Variants in MS4A3 observed in about 807,000 individuals in gnomAD.
MS4A3 encodes the protein membrane-spanning 4-domains subfamily A member 3.
A neutral mutation model predicts 24.7 loss-of-function variants in MS4A3; 18 were observed. That is an observed-to-expected ratio of 0.73 (90% confidence interval 0.50 to 1.08). MS4A3 has a LOEUF of 1.08. MS4A3 is among the 50% of genes least tolerant of loss of function. The pLI is 0.00. For synonymous variants in MS4A3, 84 were observed against 95.3 expected (o/e 0.88, Z 0.69); for missense variants, 282 against 251.7 (o/e 1.12, Z -0.82).
intron 4 of MS4A3, among the ~76,000 whole-genome samples, chr11:60,064,663 ACTG>A: frequency 6.6e-6 from 1 of 152,292 alleles, no homozygotes; most frequent in Admixed American, 6.5e-5. Flanking sequence ...ATTCTAAACA[ACTG>A]CTAAGTCTCT....
chr11:60,060,603 G>T (rs1305867584), intron 1 of MS4A3, among the ~76,000 whole-genome samples: 3 of 152,102 alleles, frequency 2.0e-5, no homozygotes, highest in Non-Finnish European at 4.4e-5. Flanking sequence ...AGCCATATGA[G>T]TTTGGGTAAG....
chr11:60,064,451 T>A, intron 4 of MS4A3, 133 bp downstream of exon 4: 1 of 498,700 alleles, frequency 2.0e-6, no homozygotes, highest in Non-Finnish European at 3.3e-6. Flanking sequence ...TTAGTTTTCT[T>A]AACGTGTTCA....
At chr11:60,061,050 T>A (rs1855263881) in intron 1 of MS4A3, 96 bp from the exon 2 acceptor site, 3 of 1,059,066 alleles carry the variant, frequency 2.8e-6, no homozygotes, top group Non-Finnish European at 4.0e-6. Context: ...CATTGTAATG[T>A]ATGGACAGAA....
chr11:60,061,266 C>G lies in MS4A3; in HGVS notation c.106C>G (p.Pro36Ala). 1 of 1,613,660 alleles carries G rather than the reference C, an allele frequency of 6.2e-7. No homozygotes were observed. ...AGAGCTGAATACTTCTGTCTACCAG[C>G]CCATAGATGGATCACCAGATTATCA... ...PEELNTSVYQ[P>A]IDGSPDYQKA... The change falls in exon 2 of 7, where the codon CCC becomes GCC. Residue 36 changes from proline (P) to alanine (A), a missense_variant. Coordinates refer to ENST00000278865, the MANE Select transcript of MS4A3 (RefSeq NM_006138.5).
intron 1 of MS4A3, among the ~76,000 whole-genome samples, chr11:60,058,159 A>G (rs973141923): frequency 7.9e-5 from 12 of 152,098 alleles, no homozygotes; most frequent in African/African-American, 2.9e-4. Context: ...TGCTTCTTCC[A>G]GAGTTGGCCA....
At chr11:60,060,291 A>G (rs897690726) in intron 1 of MS4A3, among the ~76,000 whole-genome samples, 2 of 152,224 alleles carry the variant, frequency 1.3e-5, no homozygotes, top group African/African-American at 2.4e-5. Flanking sequence ...CCATTTTTAC[A>G]GAAGTGAAAA....
Position 60,061,172 on chromosome 11 carries a change from C to A in MS4A3, c.12C>A (p.His4Gln). 3 of 1,586,194 alleles carry A rather than the reference C, an allele frequency of 1.9e-6. No individual in the cohort carries two copies. The highest frequency in any genetic ancestry group is 2.6e-6 in the Non-Finnish European group (3 of 1,170,158). MAS[H>Q]EVDNAELGSA... ...CATAAACAACCCCAATGGCCTCCCA[C>A]GAAGTTGATAATGCAGAGCTGGGGT... Residue 4 changes from histidine to glutamine, a missense_variant, in exon 2 of 7, where the codon CAC becomes CAA. Transcript: ENST00000278865.
chr11:60,068,064 A>G (rs533695433), intron 5 of MS4A3, among the ~76,000 whole-genome samples: 1 of 151,900 alleles, frequency 6.6e-6, no homozygotes, highest in East Asian at 1.9e-4. Flanking sequence ...AAATAAAAAA[A>G]TAAAAAAATA....
chr11:60,056,797 C>T (rs981230498), intron 1 of MS4A3, 57 bp downstream of exon 1: 2 of 152,148 alleles, frequency 1.3e-5, no homozygotes, highest in Non-Finnish European at 2.9e-5. Context: ...CGTTAAAATG[C>T]CTCCCAGTGG....
Position 60,062,574 on chromosome 11 carries a change from A to G in MS4A3, c.263A>G (p.Tyr88Cys). ...FQKHFFFFTF[Y>C]TGYPIWGAVF... The stretch of plus-strand genomic sequence containing the variant: ...AAGCACTTCTTTTTCTTCACCTTCT[A>G]CACAGGCTACCCGATTTGGGGTGCT... The change falls in exon 3 of 7, where the codon TAC becomes TGC. Residue 88 changes from tyrosine (Y) to cysteine (C), a missense_variant. Tyr to Cys is a radical substitution (Grantham distance 194). Coordinates refer to ENST00000278865, the MANE Select transcript of MS4A3 (RefSeq NM_006138.5). 6.2e-7 allele frequency: 1 copy of G among 1,613,784 alleles called. No homozygotes were observed. Among genetic ancestry groups the G allele is most frequent in the East Asian group, 2.2e-5 (1 of 44,848 alleles).
Position 60,064,306 on chromosome 11 carries a change from C to T in MS4A3, c.339C>T (p.Pro113=), listed in dbSNP as rs200635548. 7 of 1,602,638 alleles carry T rather than the reference C, an allele frequency of 4.4e-6. No individual in the cohort carries two copies. The highest frequency in any genetic ancestry group is 6.0e-6 in the Non-Finnish European group (7 of 1,174,490). Residue 113 remains proline, a synonymous_variant, in exon 4 of 7, where the codon CCC becomes CCT. Coordinates refer to ENST00000278865, the MANE Select transcript of MS4A3 (RefSeq NM_006138.5). ...TGTCTGTTGTAGCAGGGATAAAACC[C>T]ACAAGAACATGGGTAAGTAGCACTT... ...GTLSVVAGIK[P]TRTWIQNSFG...
intron 3 of MS4A3, 103 bp downstream of exon 3, chr11:60,062,708 A>T: frequency 7.6e-7 from 1 of 1,320,124 alleles, no homozygotes; most frequent in Admixed American, 2.3e-5. Flanking sequence ...GGAAGGTTGC[A>T]TGCTGTGGTT....
intron 1 of MS4A3, 43 bp downstream of exon 1, chr11:60,056,783 C>T (rs1286512620): frequency 1.3e-5 from 2 of 152,138 alleles, no homozygotes; most frequent in African/African-American, 4.8e-5. Flanking sequence ...TCTTTTATAT[C>T]TTTCGTTAAA....
intron 3 of MS4A3, among the ~76,000 whole-genome samples, chr11:60,064,061 G>A (rs1249100504): frequency 8.0e-6 from 1 of 125,336 alleles, no homozygotes; most frequent in South Asian, 2.8e-4. Context: ...TAATTGCATG[G>A]AAAGACTAAA....
chr11:60,067,743 A>G (rs562538152), intron 5 of MS4A3, among the ~76,000 whole-genome samples: 7 of 151,940 alleles, frequency 4.6e-5, no homozygotes, highest in Admixed American at 1.3e-4. Flanking sequence ...CTCCCCAGAG[A>G]GATTTTTTTT....
intron 1 of MS4A3, among the ~76,000 whole-genome samples, chr11:60,057,679 C>T (rs11821744): frequency 0.27 from 40,926 of 152,120 alleles, 6,525 homozygotes; most frequent in East Asian, 0.44. Flanking sequence ...GCTGGGATTA[C>T]AGGCATGAGC....
At chr11:60,065,933 T>A (rs979418510) in intron 4 of MS4A3, among the ~76,000 whole-genome samples, 1 of 152,214 alleles carries the variant, frequency 6.6e-6, no homozygotes, top group African/African-American at 2.4e-5. Flanking sequence ...AATATCTGTA[T>A]GCCCACAACC....
At chr11:60,068,307 T>G (rs1855407919) in intron 5 of MS4A3, among the ~76,000 whole-genome samples, 2 of 138,862 alleles carry the variant, frequency 1.4e-5, no homozygotes, top group Non-Finnish European at 3.1e-5. Flanking sequence ...TGGCGCCATC[T>G]CGGCTCACTG....
chr11:60,058,506 CAAAAAAAAA>C lies in MS4A3; in HGVS notation c.-16+1794_-16+1802del, dbSNP rs58722616. On this transcript the variant is annotated intron_variant, in intron 1 of 6. Coordinates refer to ENST00000278865, the MANE Select transcript of MS4A3 (RefSeq NM_006138.5). ...TGGGAGACAGAGCAAAGCTCCAACTCAAAAAAAAAAAAAAAAAAAAAAAAAAAAAAAAAA... is the reference window on the plus strand; with the variant it reads ...TGGGAGACAGAGCAAAGCTCCAACTCAAAAAAAAAAAAAAAAAAAAAAAAA... Among the ~76,000 whole-genome samples, 21 of 17,884 alleles carry C rather than the reference CAAAAAAAAA, an allele frequency of 1.2e-3. No homozygotes were observed. The East Asian group carries it at 0.018, about 15-fold the overall frequency. 11.7% of individuals were successfully genotyped at this position (17,884 alleles called of 152,430 possible). A position where few individuals can be genotyped will look rare whatever the true frequency, so the allele number is the denominator to read the frequency against.
Sources: gnomAD v4.1 joint callset for allele counts (sites outside exome capture counted in the v4.1 genomes callset) on GRCh38, gnomAD v4.1.1 for gene constraint, MANE v1.5 for transcripts, NCBI Gene and HGNC (gene_info 2026-07-23, HGNC 2026-07-21) for gene names.